The following LAMA1 variants were observed in gnomAD, a reference collection of about 807,000 sequenced individuals.
LAMA1 encodes the protein laminin subunit alpha 1, also known as laminin subunit alpha-1.
LAMA1 carries 219 observed loss-of-function variants against 348.7 expected under a neutral mutation model. The observed-to-expected ratio is 0.63, with a 90% CI of 0.56 to 0.70. LAMA1 has a LOEUF of 0.70. Ranked by LOEUF, LAMA1 falls within the 30% of genes least tolerant of loss-of-function variation. LAMA1 has a pLI of 0.00. For missense variants in LAMA1, 3,744 were observed against 3,888.0 expected (o/e 0.96, Z 0.99); for synonymous variants, 1,487 against 1,491.0 (o/e 1.00, Z 0.06).
chr18:7,003,344 G>A (rs142700956), intron 29 of LAMA1, among the ~76,000 whole-genome samples: 123 of 149,424 alleles, frequency 8.2e-4, no homozygotes, highest in African/African-American at 2.4e-3. Flanking sequence ...TCCACCTCCC[G>A]GGTTCACGCC....
chr18:7,077,963 C>T (rs2058176193), intron 3 of LAMA1, among the ~76,000 whole-genome samples: 1 of 149,126 alleles, frequency 6.7e-6, no homozygotes, highest in African/African-American at 2.5e-5. Flanking sequence ...ACTCAGGAGG[C>T]TGAGGCAGGA....
At chr18:6,989,704 G>C (rs1227472410) in intron 36 of LAMA1, among the ~76,000 whole-genome samples, 1 of 151,958 alleles carries the variant, frequency 6.6e-6, no homozygotes, top group East Asian at 1.9e-4. Flanking sequence ...AGGGGAACAG[G>C]TGGGGGTGGG....
chr18:7,038,023 A>C (rs2058003234), intron 11 of LAMA1, among the ~76,000 whole-genome samples: 1 of 152,172 alleles, frequency 6.6e-6, no homozygotes, highest in South Asian at 2.1e-4. Context: ...ATGGGTATAG[A>C]TTTTAGATTT....
intron 4 of LAMA1, among the ~76,000 whole-genome samples, chr18:7,049,949 A>C (rs1415574102): frequency 6.6e-6 from 1 of 152,242 alleles, no homozygotes; most frequent in Non-Finnish European, 1.5e-5. Flanking sequence ...CATTCATCAC[A>C]TTATGGCATT....
chr18:6,998,006 AC>A, intron 32 of LAMA1, 122 bp from the exon 33 acceptor site: 1 of 831,664 alleles, frequency 1.2e-6, no homozygotes, highest in South Asian at 1.4e-5. Context: ...ACACTCCAAG[AC>A]CCCGTGCACC....
intron 12 of LAMA1, 57 bp downstream of exon 12, chr18:7,037,521 C>A (rs2144174047): frequency 6.2e-7 from 1 of 1,601,622 alleles, no homozygotes; most frequent in South Asian, 1.1e-5. Context: ...CAAGTTCTTT[C>A]TCAGTGTTCC....
chr18:7,027,367 T>C (rs1441089812), intron 16 of LAMA1, among the ~76,000 whole-genome samples: 2 of 152,170 alleles, frequency 1.3e-5, no homozygotes, highest in African/African-American at 4.8e-5. Flanking sequence ...CAGATAATGA[T>C]ATTAATAAGG....
chr18:6,980,109 A>T (rs1036639000), intron 42 of LAMA1, among the ~76,000 whole-genome samples: 33 of 152,196 alleles, frequency 2.2e-4, no homozygotes, highest in Non-Finnish European at 4.6e-4. Context: ...ACTGAGGAAG[A>T]TGGCCAAGCG....
intron 1 of LAMA1, among the ~76,000 whole-genome samples, chr18:7,103,011 T>G (rs542108069): frequency 1.1e-4 from 17 of 152,190 alleles, no homozygotes; most frequent in Non-Finnish European, 2.4e-4. Flanking sequence ...GGTTACTAGA[T>G]TCTGTGGATT....
chr18:7,020,924 T>C (rs2057912393), intron 19 of LAMA1, among the ~76,000 whole-genome samples: 1 of 152,134 alleles, frequency 6.6e-6, no homozygotes, highest in Non-Finnish European at 1.5e-5. Flanking sequence ...CACAAGTTGC[T>C]GGTGAGTCCC....
intron 29 of LAMA1, among the ~76,000 whole-genome samples, chr18:7,005,779 G>A (rs1347139686): frequency 2.6e-5 from 4 of 151,952 alleles, no homozygotes; most frequent in African/African-American, 9.7e-5. Context: ...AATGTGAAGG[G>A]ACTCTGACAA....
At chr18:6,974,877 T>C (rs755225062) in intron 46 of LAMA1, 26 bp downstream of exon 46, 2 of 1,613,904 alleles carry the variant, frequency 1.2e-6, no homozygotes, top group Non-Finnish European at 1.7e-6. Flanking sequence ...AAAAGAGAGC[T>C]GCTTTGAGAG....
intron 3 of LAMA1, among the ~76,000 whole-genome samples, chr18:7,078,573 G>A (rs549285853): frequency 3.3e-5 from 5 of 152,276 alleles, no homozygotes; most frequent in African/African-American, 1.2e-4. Context: ...TCATAATACT[G>A]TGAACCTGAA....
At chr18:6,990,769 A>G (rs2057755255) in intron 36 of LAMA1, among the ~76,000 whole-genome samples, 1 of 151,526 alleles carries the variant, frequency 6.6e-6, no homozygotes, top group Admixed American at 6.6e-5. Context: ...CCACCTGCCC[A>G]TCTTTTATGG....
chr18:7,007,484 A>AC (rs1319690184), intron 28 of LAMA1, among the ~76,000 whole-genome samples: 40 of 152,160 alleles, frequency 2.6e-4, no homozygotes, highest in Non-Finnish European at 4.7e-4. Context: ...AAAAAAAAAA[A>AC]AACTAACAAG....
At chr18:6,952,199 C>T (rs926435170) in intron 57 of LAMA1, among the ~76,000 whole-genome samples, 6 of 152,128 alleles carry the variant, frequency 3.9e-5, no homozygotes, top group Non-Finnish European at 5.9e-5. Flanking sequence ...CTGAGGAAGG[C>T]GGGCCGAGAG....
chr18:7,092,157 T>C (rs1179177750), intron 1 of LAMA1, among the ~76,000 whole-genome samples: 1 of 152,176 alleles, frequency 6.6e-6, no homozygotes, highest in Non-Finnish European at 1.5e-5. Flanking sequence ...GTACCATTTT[T>C]CCCCTGAAAT....
chr18:7,079,891 A>T, intron 3 of LAMA1, 84 bp downstream of exon 3: 1 of 983,010 alleles, frequency 1.0e-6, no homozygotes, highest in Non-Finnish European at 1.6e-6. Context: ...GTGTTCAGAA[A>T]GAAGCCAGAC....
chr18:6,985,574 T>C lies in LAMA1; in HGVS notation c.5449A>G (p.Ile1817Val), dbSNP rs1380239261. 1.2e-6 allele frequency: 2 copies of C among 1,614,192 alleles called. No homozygotes were observed. The highest frequency in any genetic ancestry group is 2.2e-5 in the South Asian group (2 of 91,082). ...TCTGTTTGTGCAGCAGCAGCATCTA[T>C]CAATCCTCTTCCTTGGACAATGAGC... ...SELIVQGRGL[I>V]DAAAAQTDAV... Residue 1817 changes from isoleucine to valine, a missense_variant, in exon 38 of 63, where the codon ATA (isoleucine) becomes GTA (valine). By Grantham distance (29) the Ile-to-Val change is conservative. Around this residue, in one of 3 missense-constraint regions of LAMA1, gnomAD observed 1,983 missense variants for 1,934.3 expected, o/e 1.03. Transcript: ENST00000389658.
Sources: allele counts gnomAD v4.1 joint callset (sites outside exome capture counted in the v4.1 genomes callset), GRCh38; gene constraint gnomAD v4.1.1; regional missense constraint gnomAD v4.1.1; transcripts MANE v1.5; gene names NCBI Gene and HGNC (gene_info 2026-07-23, HGNC 2026-07-21).